The following GRIP1 variants were observed in gnomAD, a reference collection of about 807,000 sequenced individuals.
The protein encoded by GRIP1 is glutamate receptor interacting protein 1, also known as glutamate receptor-interacting protein 1.
Under a neutral mutation model 129.9 loss-of-function variants are expected in GRIP1, and 45 were observed. The ratio of observed to expected loss-of-function variants is 0.35; its 90% confidence interval spans 0.27 to 0.44. The LOEUF (loss-of-function observed/expected upper bound fraction) is 0.44, where lower values mean the gene tolerates loss of function less well. Among genes scored for constraint, GRIP1 ranks in the 20% least tolerant of loss-of-function variants. GRIP1 has a pLI of 1.00. For missense variants in GRIP1, 1,196 were observed against 1,396.8 expected (o/e 0.86, Z 2.29); for synonymous variants, 530 against 520.8 (o/e 1.02, Z -0.24).
At chr12:66,496,450 G>A (rs567172085) in intron 7 of GRIP1, among the ~76,000 whole-genome samples, 11 of 152,252 alleles carry the variant, frequency 7.2e-5, no homozygotes, top group Middle Eastern at 3.4e-3. Context: ...TCCAACAAGC[G>A]TTATCTAAAA....
At chr12:66,399,762 G>A (rs2056918545) in intron 16 of GRIP1, among the ~76,000 whole-genome samples, 1 of 151,960 alleles carries the variant, frequency 6.6e-6, no homozygotes, top group Admixed American at 6.5e-5. Context: ...GGCCAAATAG[G>A]AGGCTTGGAT....
chr12:66,646,819 A>G (rs2032410455), intron 1 of GRIP1, among the ~76,000 whole-genome samples: 1 of 152,166 alleles, frequency 6.6e-6, no homozygotes, highest in Non-Finnish European at 1.5e-5. Flanking sequence ...CCAGGTAGCA[A>G]GAAGAGGTGA....
intron 1 of GRIP1, among the ~76,000 whole-genome samples, chr12:66,961,845 T>C (rs1202197067): frequency 6.6e-6 from 1 of 152,204 alleles, no homozygotes; most frequent in Non-Finnish European, 1.5e-5. Context: ...TAATCATTGA[T>C]TAACAGCTGA....
intron 2 of GRIP1, among the ~76,000 whole-genome samples, chr12:66,558,702 CAAAGA>C (rs1291863060): frequency 6.6e-6 from 1 of 152,050 alleles, no homozygotes; most frequent in Non-Finnish European, 1.5e-5. Flanking sequence ...AGCCTCCCAG[CAAAGA>C]AAAGTCCAGG....
At chr12:67,023,453 A>G (rs1189487092) in intron 1 of GRIP1, among the ~76,000 whole-genome samples, 2 of 152,054 alleles carry the variant, frequency 1.3e-5, no homozygotes, top group African/African-American at 4.8e-5. Flanking sequence ...GTGTGGGTTT[A>G]TTTCTGGATT....
chr12:66,486,824 T>A (rs918244735), intron 7 of GRIP1, among the ~76,000 whole-genome samples: 1 of 151,612 alleles, frequency 6.6e-6, no homozygotes, highest in Non-Finnish European at 1.5e-5. Flanking sequence ...AGGGTCTCAC[T>A]CTGTCACCCA....
intron 1 of GRIP1, among the ~76,000 whole-genome samples, chr12:66,929,214 TTTG>T (rs2041346617): frequency 6.6e-6 from 1 of 152,216 alleles, no homozygotes; most frequent in African/African-American, 2.4e-5. Context: ...CCTCAATGCC[TTTG>T]TTTGCTTCTC....
chr12:66,410,111 G>A (rs956552059), intron 15 of GRIP1, among the ~76,000 whole-genome samples: 5 of 149,440 alleles, frequency 3.3e-5, no homozygotes, highest in South Asian at 4.3e-4. Context: ...TTAGCCGGGC[G>A]TAGTGGCGGG....
rs2059254470 is a variant in GRIP1, at chr12:66,465,257, A to G, written c.872+18T>C. On this transcript the variant is annotated intron_variant, in intron 8 of 24. Transcript: ENST00000359742. ...CACTGCGCCTGGCGGAAAAGTAGGC[A>G]CTTTCTACAATACTTACCTGTCTGC... 2 of 1,611,666 alleles carry G rather than the reference A, an allele frequency of 1.2e-6. No homozygotes were observed. Among genetic ancestry groups the G allele is most frequent in the Non-Finnish European group, 1.7e-6 (2 of 1,178,084 alleles).
chr12:66,498,198 T>TG (rs2060289932), intron 7 of GRIP1, among the ~76,000 whole-genome samples: 1 of 152,192 alleles, frequency 6.6e-6, no homozygotes, highest in Non-Finnish European at 1.5e-5. Context: ...AAAGCCTGTT[T>TG]GGTGGTCTCT....
chr12:66,518,347 T>C (rs953020473), intron 5 of GRIP1, among the ~76,000 whole-genome samples: 1 of 151,916 alleles, frequency 6.6e-6, no homozygotes, highest in Non-Finnish European at 1.5e-5. Context: ...TACTGGTCAG[T>C]AGGTCTACAA....
At chr12:66,801,112 A>C (rs1188198071) in intron 1 of GRIP1, among the ~76,000 whole-genome samples, 2 of 152,108 alleles carry the variant, frequency 1.3e-5, no homozygotes, top group African/African-American at 4.8e-5. Flanking sequence ...AATCAAGCAA[A>C]GTTCAAAATA....
rs541673834 is a variant in GRIP1 at position 66,750,363 on chromosome 12, T to G, written c.-420+53690A>C. ...TTGAGTCTGAGTTTCAGTGAAGAAA[T>G]CCTCCTCTTTTGTGTGTCCCCTTTT... On this transcript the variant is annotated intron_variant, in intron 1 of 4. Coordinates refer to the GRIP1 transcript ENST00000538373. 1.5e-4 allele frequency among the ~76,000 whole-genome samples: 23 copies of G among 152,218 alleles called. No homozygotes were observed. The South Asian group carries it at 4.6e-3, about 30-fold the overall frequency.
chr12:66,551,071 T>C (rs11176257), intron 2 of GRIP1, among the ~76,000 whole-genome samples: 2,594 of 152,342 alleles, frequency 0.017, 68 homozygotes, highest in African/African-American at 0.059. Flanking sequence ...TTGGCATGGC[T>C]ATCTTTGAAT....
chr12:66,970,467 T>C (rs1184215683), intron 1 of GRIP1, among the ~76,000 whole-genome samples: 1 of 152,014 alleles, frequency 6.6e-6, no homozygotes, highest in East Asian at 1.9e-4. Context: ...TTGAGGCTTA[T>C]CTGTCTAAGA....
At chr12:66,756,093 G>A (rs140433594) in intron 1 of GRIP1, among the ~76,000 whole-genome samples, 84 of 152,264 alleles carry the variant, frequency 5.5e-4, no homozygotes, top group Non-Finnish European at 9.6e-4. Context: ...CAGACCAGCA[G>A]TGTTAAGTAT....
chr12:66,397,187 T>C (rs1229471543), intron 16 of GRIP1, among the ~76,000 whole-genome samples: 1 of 149,744 alleles, frequency 6.7e-6, no homozygotes, highest in Non-Finnish European at 1.5e-5. Context: ...AGTAGATCAT[T>C]TGGGATTCTA....
Position 66,565,637 on chromosome 12 carries a change from A to G in GRIP1, c.137-23687T>C, listed in dbSNP as rs1263678146. On this transcript the variant is annotated intron_variant, in intron 2 of 24. Transcript: ENST00000359742. The stretch of plus-strand genomic sequence containing the variant: ...TTTTTGGTTCCATATGAACTTTAAA[A>G]TAGTTTTTTTCCAATTCTGTGAAGA... Among the ~76,000 whole-genome samples, 5 of 152,142 alleles carry G rather than the reference A, an allele frequency of 3.3e-5. 1 individual carries two copies. Among genetic ancestry groups the G allele is most frequent in the South Asian group, 4.2e-4 (2 of 4,818 alleles).
intron 7 of GRIP1, among the ~76,000 whole-genome samples, chr12:66,486,492 T>C (rs2059958863): frequency 6.6e-6 from 1 of 152,162 alleles, no homozygotes; most frequent in African/African-American, 2.4e-5. Flanking sequence ...AATTGAATCA[T>C]GGGGGCAGTT....
Sources: allele counts gnomAD v4.1 joint callset (sites outside exome capture counted in the v4.1 genomes callset), GRCh38; gene constraint gnomAD v4.1.1; transcripts MANE v1.5; gene names NCBI Gene and HGNC (gene_info 2026-07-23, HGNC 2026-07-21).